Variants in RALGAPA2 observed in about 807,000 individuals in gnomAD.
The protein encoded by RALGAPA2 is ral GTPase-activating protein subunit alpha-2.
A neutral mutation model predicts 230.4 loss-of-function variants in RALGAPA2; 139 were observed. The observed-to-expected ratio is 0.60, with a 90% CI of 0.53 to 0.69. The LOEUF (loss-of-function observed/expected upper bound fraction) is 0.69. Among genes scored for constraint, RALGAPA2 ranks in the 30% least tolerant of loss-of-function variants. The probability of loss-of-function intolerance (pLI) is 0.00; values close to 1 mark genes in which losing one functional copy is unlikely to be tolerated. For synonymous variants in RALGAPA2, 847 were observed against 837.8 expected, an observed-to-expected ratio of 1.01 and a Z score of -0.19; for missense variants, 2,163 against 2,276.0, an observed-to-expected ratio of 0.95 and a Z score of 1.01.
chr20:20,443,931 C>A (rs1476763131), intron 37 of RALGAPA2, among the ~76,000 whole-genome samples: 1 of 152,256 alleles, frequency 6.6e-6, no homozygotes, highest in East Asian at 1.9e-4. Context: ...TGAATCCCTG[C>A]TAAGGGGCTG....
chr20:20,598,063 T>G (rs955728010), intron 16 of RALGAPA2, among the ~76,000 whole-genome samples: 1 of 152,178 alleles, frequency 6.6e-6, no homozygotes, highest in African/African-American at 2.4e-5. Flanking sequence ...TGCTATGATA[T>G]CTTAATAAAA....
intron 37 of RALGAPA2, among the ~76,000 whole-genome samples, chr20:20,432,954 G>C (rs558991307): frequency 1.3e-5 from 2 of 152,294 alleles, no homozygotes; most frequent in Admixed American, 1.3e-4. Context: ...CTGTCTGGAG[G>C]TGCACATCTG....
chr20:20,430,581 A>T (rs1299970051), intron 37 of RALGAPA2, among the ~76,000 whole-genome samples: 1 of 152,234 alleles, frequency 6.6e-6, no homozygotes, highest in Non-Finnish European at 1.5e-5. Context: ...TCTGATCCTG[A>T]TCAAGTATAC....
intron 36 of RALGAPA2, among the ~76,000 whole-genome samples, chr20:20,476,645 T>A: frequency 6.6e-6 from 1 of 150,576 alleles, no homozygotes; most frequent in Non-Finnish European, 1.5e-5. Flanking sequence ...TAGGCAAGGA[T>A]TTTTTAGGGT....
intron 37 of RALGAPA2, among the ~76,000 whole-genome samples, chr20:20,412,988 C>T (rs368591023): frequency 1.8e-3 from 272 of 152,294 alleles, no homozygotes; most frequent in Middle Eastern, 3.4e-3. Flanking sequence ...AACAGGATAA[C>T]GTCAGAACAA....
chr20:20,418,892 C>T (rs1181046463), intron 37 of RALGAPA2, among the ~76,000 whole-genome samples: 1 of 152,116 alleles, frequency 6.6e-6, no homozygotes, highest in Non-Finnish European at 1.5e-5. Context: ...ACATGCGTCA[C>T]CATGCCTGGC....
In RALGAPA2 at chr20:20,629,486, T is replaced by G; in HGVS notation, c.1110A>C (p.Arg370=). The G allele has an allele frequency of 1.2e-6, 2 of 1,613,962 alleles. No homozygotes were observed. Among genetic ancestry groups the G allele is most frequent in the Non-Finnish European group, 8.5e-7 (1 of 1,179,880 alleles). ...SHSNSSTLSD[R]RLSNSSLCSI... The stretch of plus-strand genomic sequence containing the variant: ...TACAGAGGCTGGAGTTGCTGAGTCT[T>G]CGGTCCGACAAGGTGCTGCTGTTAG... The change falls in exon 10 of 40, where the codon CGA becomes CGC. Residue 370 remains arginine, a synonymous_variant. Transcript: ENST00000202677.
intron 16 of RALGAPA2, among the ~76,000 whole-genome samples, chr20:20,596,745 C>T (rs567182889): frequency 2.0e-5 from 3 of 152,292 alleles, no homozygotes; most frequent in South Asian, 2.1e-4. Flanking sequence ...AACTGCAGAC[C>T]GAGCCCAGGC....
At chr20:20,512,107 G>A (rs2062721902) in intron 32 of RALGAPA2, among the ~76,000 whole-genome samples, 1 of 152,124 alleles carries the variant, frequency 6.6e-6, no homozygotes, top group East Asian at 1.9e-4. Flanking sequence ...AGAATTGCTT[G>A]AACCCAGGAG....
chr20:20,506,897 C>T (rs1397943707), intron 33 of RALGAPA2, among the ~76,000 whole-genome samples: 3 of 152,150 alleles, frequency 2.0e-5, no homozygotes. Context: ...AGCTTATTCA[C>T]TTCCCCTATG....
At chr20:20,607,935 T>C (rs1375731520) in intron 14 of RALGAPA2, among the ~76,000 whole-genome samples, 2 of 152,146 alleles carry the variant, frequency 1.3e-5, no homozygotes, top group Non-Finnish European at 2.9e-5. Context: ...AGTTGGGTGG[T>C]GAGTGGTGGC....
chr20:20,568,158 T>C (rs1047398095), intron 23 of RALGAPA2, among the ~76,000 whole-genome samples: 2 of 152,118 alleles, frequency 1.3e-5, no homozygotes, highest in Admixed American at 6.5e-5. Flanking sequence ...AATTTATAGT[T>C]ATTTTGGAAC....
intron 20 of RALGAPA2, among the ~76,000 whole-genome samples, chr20:20,575,393 T>G (rs2064785810): frequency 6.6e-6 from 1 of 151,848 alleles, no homozygotes; most frequent in South Asian, 2.1e-4. Context: ...CAGATATATG[T>G]ATGTTGAGTT....
intron 11 of RALGAPA2, among the ~76,000 whole-genome samples, chr20:20,619,822 T>C (rs1038574898): frequency 1.4e-4 from 21 of 152,358 alleles, no homozygotes; most frequent in Admixed American, 2.6e-4. Flanking sequence ...TAGTGAGAAA[T>C]TTAAAACATT....
At chr20:20,621,650 C>G (rs182336284) in intron 10 of RALGAPA2, among the ~76,000 whole-genome samples, 424 of 152,254 alleles carry the variant, frequency 2.8e-3, no homozygotes, top group Non-Finnish European at 5.4e-3. Flanking sequence ...TTTATAAGAA[C>G]TTTTTAACAT....
At chr20:20,465,687 C>A (rs905145570) in intron 37 of RALGAPA2, among the ~76,000 whole-genome samples, 7 of 152,170 alleles carry the variant, frequency 4.6e-5, no homozygotes, top group Admixed American at 4.6e-4. Context: ...AGTGTACCAC[C>A]TTCTCTCGAG....
At chr20:20,455,633 T>C (rs2061097977) in intron 37 of RALGAPA2, among the ~76,000 whole-genome samples, 1 of 152,174 alleles carries the variant, frequency 6.6e-6, no homozygotes, top group African/African-American at 2.4e-5. Flanking sequence ...GATACATCTT[T>C]AAGAATGTTC....
chr20:20,438,432 T>A (rs1023431593), intron 37 of RALGAPA2, among the ~76,000 whole-genome samples: 10 of 152,242 alleles, frequency 6.6e-5, no homozygotes, highest in Admixed American at 2.0e-4. Context: ...TTACAAACAT[T>A]CTGAGAAGTG....
At chr20:20,429,422 G>A (rs1163867418) in intron 37 of RALGAPA2, among the ~76,000 whole-genome samples, 1 of 152,146 alleles carries the variant, frequency 6.6e-6, no homozygotes, top group African/African-American at 2.4e-5. Flanking sequence ...GCACAAAACT[G>A]GCCATTTTTA....
Sources: gnomAD v4.1 joint callset for allele counts (sites outside exome capture counted in the v4.1 genomes callset) on GRCh38, gnomAD v4.1.1 for gene constraint, MANE v1.5 for transcripts, NCBI Gene and HGNC (gene_info 2026-07-23, HGNC 2026-07-21) for gene names.